The following POC1A variants were observed in gnomAD, a reference collection of about 807,000 sequenced individuals.
POC1A encodes the protein POC1 centriolar protein homolog A.
Under a neutral mutation model 47.8 loss-of-function variants are expected in POC1A, and 34 were observed. That is an observed-to-expected ratio of 0.71 (90% CI 0.54 to 0.95). POC1A has a LOEUF of 0.95. Ranked by LOEUF, POC1A falls within the 40% of genes least tolerant of loss-of-function variation. The pLI is 0.00. For synonymous variants in POC1A, 177 were observed against 207.6 expected (o/e 0.85, Z 1.27); for missense variants, 466 against 528.3 (o/e 0.88, Z 1.16).
intron 9 of POC1A, among the ~76,000 whole-genome samples, chr3:52,115,057 T>C (rs537631956): frequency 1.4e-4 from 22 of 152,286 alleles, no homozygotes; most frequent in African/African-American, 4.6e-4. Flanking sequence ...TTGGGCTCCA[T>C]GAAGCCATGC....
Position 52,149,079 on chromosome 3 carries a change from A to G in POC1A, c.455+131T>C, listed in dbSNP as rs1281035217. On this transcript the variant is annotated intron_variant, in intron 4 of 10. Transcript: ENST00000296484. ...ATTGTTCCATTTTACAGATAAGGAA[A>G]CCGAGGCTGAGGAAGCTTAAACAAT... 7.3e-6 allele frequency: 5 copies of G among 681,132 alleles called. No individual in the cohort carries two copies. The East Asian group carries it at 1.3e-4, about 18-fold the overall frequency. The allele number at this position is 681,132 out of a possible 1,614,324, so 42.2% of individuals were successfully genotyped here.
chr3:52,144,487 C>T (rs891652778), intron 6 of POC1A, among the ~76,000 whole-genome samples: 2 of 152,162 alleles, frequency 1.3e-5, no homozygotes, highest in African/African-American at 4.8e-5. Context: ...TAGGGTACTA[C>T]AGGCCTTAAC....
At chr3:52,100,892 T>G (rs912063804) in intron 9 of POC1A, among the ~76,000 whole-genome samples, 1 of 151,944 alleles carries the variant, frequency 6.6e-6, no homozygotes, top group African/African-American at 2.4e-5. Flanking sequence ...CTGAAACTAC[T>G]AGGGAAAAGC....
chr3:52,103,061 G>A (rs536694984), intron 9 of POC1A, among the ~76,000 whole-genome samples: 1 of 152,278 alleles, frequency 6.6e-6, no homozygotes, highest in African/African-American at 2.4e-5. Flanking sequence ...ACCAGTATCC[G>A]GCCAGTTAAT....
intron 7 of POC1A, among the ~76,000 whole-genome samples, chr3:52,128,488 C>A (rs1195877425): frequency 6.6e-6 from 1 of 152,182 alleles, no homozygotes; most frequent in African/African-American, 2.4e-5. Context: ...ACCAAGAGGA[C>A]CACGCAGCCC....
chr3:52,153,858 G>A (rs1698634027), intron 1 of POC1A, among the ~76,000 whole-genome samples: 1 of 152,244 alleles, frequency 6.6e-6, no homozygotes, highest in African/African-American at 2.4e-5. Context: ...GGCCTTGCCC[G>A]TTCAAAGGAA....
intron 6 of POC1A, among the ~76,000 whole-genome samples, chr3:52,140,213 G>A (rs376467168): frequency 1.2e-4 from 18 of 152,294 alleles, no homozygotes; most frequent in African/African-American, 4.3e-4. Flanking sequence ...GTGTTCCCAG[G>A]CACACTTAGG....
intron 10 of POC1A, among the ~76,000 whole-genome samples, chr3:52,089,503 T>C (rs1184058708): frequency 1.3e-5 from 2 of 152,072 alleles, no homozygotes; most frequent in African/African-American, 4.8e-5. Flanking sequence ...TCCATGAAGG[T>C]CCACAACAAG....
chr3:52,093,022 G>A (rs532804406), intron 10 of POC1A, among the ~76,000 whole-genome samples: 43 of 152,136 alleles, frequency 2.8e-4, no homozygotes, highest in Non-Finnish European at 5.0e-4. Context: ...CCTTGCTCGC[G>A]TCTCAACTTC....
chr3:52,119,058 A>G (rs1260190189), intron 9 of POC1A, among the ~76,000 whole-genome samples: 1 of 151,054 alleles, frequency 6.6e-6, no homozygotes, highest in Non-Finnish European at 1.5e-5. Context: ...ACCAAATGAG[A>G]TTCCTACAAA....
At chr3:52,091,372 G>C (rs1702642151) in intron 10 of POC1A, among the ~76,000 whole-genome samples, 1 of 152,212 alleles carries the variant, frequency 6.6e-6, no homozygotes, top group African/African-American at 2.4e-5. Context: ...TCCATTGTTA[G>C]GAAATACATG....
chr3:52,110,999 G>A (rs961909966), intron 9 of POC1A, among the ~76,000 whole-genome samples: 1 of 152,244 alleles, frequency 6.6e-6, no homozygotes, highest in African/African-American at 2.4e-5. Context: ...TGCACGCAGA[G>A]CTGGACCCAA....
At chr3:52,136,896 C>T (rs1487187621) in intron 7 of POC1A, among the ~76,000 whole-genome samples, 1 of 152,226 alleles carries the variant, frequency 6.6e-6, no homozygotes, top group Non-Finnish European at 1.5e-5. Context: ...GAGGTGATCA[C>T]TTGATAGGCA....
At chr3:52,093,648 G>A (rs2106962900) in intron 10 of POC1A, among the ~76,000 whole-genome samples, 1 of 152,338 alleles carries the variant, frequency 6.6e-6, no homozygotes, top group African/African-American at 2.4e-5. Flanking sequence ...CTTGCCCAAG[G>A]TCACTGAGCT....
At chr3:52,147,424 ATTTTGT>A (rs1233298086) in intron 4 of POC1A, among the ~76,000 whole-genome samples, 1 of 151,636 alleles carries the variant, frequency 6.6e-6, no homozygotes, top group Non-Finnish European at 1.5e-5. Context: ...CTGTGACTAA[ATTTTGT>A]TTTTGTTTTT....
intron 6 of POC1A, among the ~76,000 whole-genome samples, chr3:52,145,393 C>G (rs981614891): frequency 5.3e-5 from 8 of 152,186 alleles, no homozygotes; most frequent in African/African-American, 1.9e-4. Context: ...GAGGTGGCCA[C>G]GGTCCCACCA....
At chr3:52,086,328 G>A (rs1702455754) in intron 10 of POC1A, among the ~76,000 whole-genome samples, 1 of 152,236 alleles carries the variant, frequency 6.6e-6, no homozygotes, top group Non-Finnish European at 1.5e-5. Context: ...TGCACTGAAT[G>A]TCTAACTTTC....
intron 10 of POC1A, among the ~76,000 whole-genome samples, chr3:52,083,632 G>T (rs979237860): frequency 6.6e-6 from 1 of 152,040 alleles, no homozygotes; most frequent in Non-Finnish European, 1.5e-5. Flanking sequence ...TCCTTTCAAG[G>T]CCTCTTCATT....
chr3:52,134,167 TG>T (rs1162610280), intron 7 of POC1A, among the ~76,000 whole-genome samples: 2 of 151,736 alleles, frequency 1.3e-5, no homozygotes, highest in Non-Finnish European at 2.9e-5. Flanking sequence ...CTCATGAAGA[TG>T]GAGTAGAGTG....
Sources: gnomAD v4.1 joint callset for allele counts (sites outside exome capture counted in the v4.1 genomes callset) on GRCh38, gnomAD v4.1.1 for gene constraint, MANE v1.5 for transcripts, NCBI Gene and HGNC (gene_info 2026-07-23, HGNC 2026-07-21) for gene names.